Variants in EPHB1 observed in about 807,000 individuals in gnomAD.
The protein encoded by EPHB1 is EPH receptor B1.
A neutral mutation model predicts 94.4 loss-of-function variants in EPHB1; 30 were observed. The ratio of observed to expected loss-of-function variants is 0.32; its 90% CI spans 0.24 to 0.43. The LOEUF (loss-of-function observed/expected upper bound fraction) is 0.43, where lower values mean the gene tolerates loss of function less well. Among genes scored for constraint, EPHB1 ranks in the 20% least tolerant of loss-of-function variants. EPHB1 has a pLI of 1.00. For missense variants in EPHB1, 1,055 were observed against 1,308.3 expected (o/e 0.81, Z 2.99); for synonymous variants, 522 against 489.1 (o/e 1.07, Z -0.89).
chr3:135,208,496 A>G (rs188960979), intron 12 of EPHB1, among the ~76,000 whole-genome samples: 3 of 152,152 alleles, frequency 2.0e-5, no homozygotes, highest in Admixed American at 6.5e-5. Flanking sequence ...TCTTTCACCA[A>G]AAAGCCATTA....
chr3:135,092,621 CCCTTCCTT>C (rs756908317), intron 3 of EPHB1, among the ~76,000 whole-genome samples: 21 of 149,268 alleles, frequency 1.4e-4, no homozygotes, highest in African/African-American at 5.2e-4. Flanking sequence ...CTCCCTCCCT[CCCTTCCTT>C]CCTTCCTTCT....
intron 3 of EPHB1, among the ~76,000 whole-genome samples, chr3:135,069,995 C>T (rs1156710298): frequency 6.6e-6 from 1 of 152,180 alleles, no homozygotes; most frequent in African/African-American, 2.4e-5. Context: ...TTTCTGGGAA[C>T]ACATAGCCTG....
intron 1 of EPHB1, among the ~76,000 whole-genome samples, chr3:134,894,748 A>G (rs1378128045): frequency 6.6e-6 from 1 of 152,222 alleles, no homozygotes; most frequent in African/African-American, 2.4e-5. Context: ...TACACCTGAC[A>G]TAGAAGGTAG....
chr3:135,260,327 G>A lies in EPHB1; in HGVS notation c.*1207G>A, dbSNP rs10608. The A allele has an allele frequency of 0.12, 27,670 of 232,332 alleles. 1,979 individuals are homozygous for A. Among genetic ancestry groups the A allele is most frequent in the African/African-American group, 0.2 (8,929 of 45,340 alleles). The allele number at this position is 232,332 out of a possible 1,614,324, so 14.4% of individuals were successfully genotyped here. A position where few individuals can be genotyped will look rare whatever the true frequency, so the allele number is the denominator to read the frequency against. ...GTCTGTGTTTCTCTTTACATTCCTT[G>A]TTGTACCTCATTGTTCAATTCACTT... On this transcript the variant is annotated 3_prime_UTR_variant, in exon 16 of 16. Coordinates refer to ENST00000398015, the MANE Select transcript of EPHB1 (RefSeq NM_004441.5).
At chr3:135,150,055 A>C (rs1168862662) in intron 5 of EPHB1, among the ~76,000 whole-genome samples, 1 of 152,242 alleles carries the variant, frequency 6.6e-6, no homozygotes, top group Non-Finnish European at 1.5e-5. Context: ...TGCTTAGAAC[A>C]GGACTGGCAC....
intron 1 of EPHB1, among the ~76,000 whole-genome samples, chr3:134,907,961 G>A (rs1323903478): frequency 6.6e-6 from 1 of 152,196 alleles, no homozygotes; most frequent in East Asian, 1.9e-4. Context: ...CTGGTGCAGG[G>A]TTAGAGACTA....
At chr3:135,001,445 C>T (rs1935173732) in intron 3 of EPHB1, among the ~76,000 whole-genome samples, 1 of 152,186 alleles carries the variant, frequency 6.6e-6, no homozygotes, top group South Asian at 2.1e-4. Flanking sequence ...TCAAACACTC[C>T]CACCTGCTGC....
At chr3:135,252,076 G>C (rs950823631) in intron 15 of EPHB1, among the ~76,000 whole-genome samples, 4 of 151,858 alleles carry the variant, frequency 2.6e-5, no homozygotes, top group Admixed American at 6.6e-5. Context: ...TTTGTGATGG[G>C]AGGTTAATGG....
chr3:134,826,685 C>A (rs1462379176), intron 1 of EPHB1, among the ~76,000 whole-genome samples: 1 of 152,156 alleles, frequency 6.6e-6, no homozygotes, highest in Non-Finnish European at 1.5e-5. Context: ...AAATTAATCA[C>A]CCCCTTGTAG....
chr3:135,138,588 C>G (rs893041308), intron 5 of EPHB1, among the ~76,000 whole-genome samples: 1 of 152,074 alleles, frequency 6.6e-6, no homozygotes, highest in Non-Finnish European at 1.5e-5. Context: ...TATGCTGAAG[C>G]CAGTTCATTT....
At chr3:134,957,529 C>T (rs867608728) in intron 3 of EPHB1, among the ~76,000 whole-genome samples, 16 of 152,278 alleles carry the variant, frequency 1.1e-4, no homozygotes, top group Middle Eastern at 3.4e-3. Context: ...TGAATAAAGA[C>T]TGGAGGCTGG....
chr3:134,928,267 C>T (rs760360781), intron 2 of EPHB1, among the ~76,000 whole-genome samples: 17 of 152,332 alleles, frequency 1.1e-4, no homozygotes, highest in Admixed American at 2.0e-4. Flanking sequence ...CTCAGGGATA[C>T]GCTCTCTGCA....
chr3:134,895,098 A>T (rs993759883), intron 1 of EPHB1, among the ~76,000 whole-genome samples: 2 of 152,184 alleles, frequency 1.3e-5, no homozygotes, highest in African/African-American at 4.8e-5. Flanking sequence ...GGAGATTTGC[A>T]GTTTAAAAGA....
chr3:135,007,372 G>A (rs988302009), intron 3 of EPHB1, among the ~76,000 whole-genome samples: 2 of 152,114 alleles, frequency 1.3e-5, no homozygotes, highest in Non-Finnish European at 2.9e-5. Flanking sequence ...ACTTTCTGAA[G>A]AACCAGACAC....
intron 12 of EPHB1, among the ~76,000 whole-genome samples, chr3:135,202,124 G>T (rs1049297162): frequency 6.6e-6 from 1 of 152,042 alleles, no homozygotes; most frequent in Non-Finnish European, 1.5e-5. Flanking sequence ...TCTCTATATT[G>T]CTTCCAAATA....
At chr3:134,916,074 T>G (rs761077419) in intron 1 of EPHB1, among the ~76,000 whole-genome samples, 3 of 152,186 alleles carry the variant, frequency 2.0e-5, no homozygotes, top group Non-Finnish European at 4.4e-5. Flanking sequence ...TTACAATCCC[T>G]GAGCTAGACA....
At chr3:134,835,565 G>GT (rs1159561682) in intron 1 of EPHB1, among the ~76,000 whole-genome samples, 2 of 152,204 alleles carry the variant, frequency 1.3e-5, no homozygotes, top group African/African-American at 4.8e-5. Context: ...GAGAGGTGAA[G>GT]TGATTTGCTT....
At chr3:135,017,419 A>T (rs1935838749) in intron 3 of EPHB1, among the ~76,000 whole-genome samples, 1 of 152,186 alleles carries the variant, frequency 6.6e-6, no homozygotes, top group Admixed American at 6.5e-5. Context: ...TGTGTGAGTG[A>T]GAGAGAGAAT....
intron 3 of EPHB1, among the ~76,000 whole-genome samples, chr3:135,096,249 C>T (rs1308056937): frequency 6.6e-6 from 1 of 152,166 alleles, no homozygotes; most frequent in Non-Finnish European, 1.5e-5. Flanking sequence ...ACCTTAGCAC[C>T]CCTTTTTACA....
Sources: allele counts gnomAD v4.1 joint callset (sites outside exome capture counted in the v4.1 genomes callset), GRCh38; gene constraint gnomAD v4.1.1; transcripts MANE v1.5; gene names NCBI Gene and HGNC (gene_info 2026-07-23, HGNC 2026-07-21).